TWSG1: variants seen among roughly 807,000 people sequenced by gnomAD.
The protein encoded by TWSG1 is twisted gastrulation BMP signaling modulator 1.
TWSG1 carries 15 observed loss-of-function variants against 23.0 expected under a neutral mutation model. The ratio of observed to expected loss-of-function variants is 0.65; its 90% CI spans 0.44 to 1.00. TWSG1 has a LOEUF of 1.00. TWSG1 is among the 50% of genes least tolerant of loss of function. The pLI is 0.00. For synonymous variants in TWSG1, 86 were observed against 92.8 expected, an observed-to-expected ratio of 0.93 and a Z score of 0.42; for missense variants, 242 against 278.7, an observed-to-expected ratio of 0.87 and a Z score of 0.94.
intron 3 of TWSG1, among the ~76,000 whole-genome samples, chr18:9,365,874 T>G (rs2040576336): frequency 8.1e-6 from 1 of 124,148 alleles, no homozygotes; most frequent in African/African-American, 2.7e-5. Flanking sequence ...GGCATAATGA[T>G]GCATGCCTGT....
chr18:9,364,502 C>G (rs1457182083), intron 3 of TWSG1, among the ~76,000 whole-genome samples: 1 of 152,142 alleles, frequency 6.6e-6, no homozygotes, highest in South Asian at 2.1e-4. Context: ...TCATTAGAAG[C>G]TGTAAAACAG....
intron 3 of TWSG1, among the ~76,000 whole-genome samples, chr18:9,366,070 T>C (rs2040577331): frequency 6.6e-6 from 1 of 152,220 alleles, no homozygotes; most frequent in South Asian, 2.1e-4. Context: ...CATGAACTTT[T>C]TCATCTTGAG....
chr18:9,355,007 G>C (rs1379730034), intron 2 of TWSG1, among the ~76,000 whole-genome samples: 1 of 151,928 alleles, frequency 6.6e-6, no homozygotes, highest in Non-Finnish European at 1.5e-5. Flanking sequence ...CCAGGCTGGA[G>C]TGCAGTGGCC....
rs192276710 is a variant in TWSG1, at chr18:9,335,405, A to G, written c.-38+485A>G. On this transcript the variant is annotated intron_variant, in intron 1 of 4. Transcript: ENST00000262120. ...ATGGTTTCTAACTCCTTAGGAAAAG[A>G]TAAGTCCTTTAATTCTATTACCTGA... Among the ~76,000 whole-genome samples the G allele has an allele frequency of 2.6e-4, 39 of 152,398 alleles. 1 individual carries two copies. Among genetic ancestry groups the G allele is most frequent in the Admixed American group, 1.4e-3 (21 of 15,310 alleles).
intron 3 of TWSG1, among the ~76,000 whole-genome samples, chr18:9,382,042 C>T (rs981887913): frequency 2.6e-5 from 4 of 151,020 alleles, no homozygotes; most frequent in African/African-American, 9.7e-5. Flanking sequence ...AATAACTATA[C>T]TTATTTACAT....
At chr18:9,361,862 C>T (rs746514940) in intron 3 of TWSG1, among the ~76,000 whole-genome samples, 9 of 152,194 alleles carry the variant, frequency 5.9e-5, no homozygotes, top group Non-Finnish European at 1.2e-4. Flanking sequence ...GTATAACTAC[C>T]CCACAGAATA....
intron 2 of TWSG1, among the ~76,000 whole-genome samples, chr18:9,357,213 A>G (rs779007463): frequency 1.6e-4 from 24 of 152,230 alleles, no homozygotes; most frequent in Non-Finnish European, 2.5e-4. Context: ...TAGGCCCAGC[A>G]AAGTTACCTA....
Position 9,399,510 on chromosome 18 carries a change from A to G in TWSG1, c.655A>G (p.Met219Val). Residue 219 changes from methionine to valine, a missense_variant, in exon 5 of 5, where the codon ATG (methionine) becomes GTG (valine). Physicochemically the swap from Met to Val is conservative, Grantham distance 21. Coordinates refer to ENST00000262120, the MANE Select transcript of TWSG1 (RefSeq NM_020648.6). ...CTATGGTAGTAAAACTGTCAAATGT[A>G]TGAACTGCATGTTTTAAAGAAGACA... ...IDYGSKTVKC[M>V]NCMF 2 of 1,604,452 alleles carry G rather than the reference A, an allele frequency of 1.2e-6. No individual in the cohort carries two copies. The highest frequency in any genetic ancestry group is 8.5e-7 in the Non-Finnish European group (1 of 1,177,408).
chr18:9,349,114 A>G (rs961042473), intron 2 of TWSG1, among the ~76,000 whole-genome samples: 3 of 152,144 alleles, frequency 2.0e-5, no homozygotes, highest in Non-Finnish European at 4.4e-5. Flanking sequence ...CCTTGCTCAT[A>G]TAATGAGGGG....
intron 4 of TWSG1, 95 bp downstream of exon 4, chr18:9,396,641 C>T (rs757095048): frequency 6.2e-6 from 9 of 1,460,216 alleles, no homozygotes; most frequent in Non-Finnish European, 8.2e-6. Flanking sequence ...TTTGGAGCAG[C>T]CTTTTGGTTT....
chr18:9,371,772 C>CTTTTTTTTTTT (rs11379317), intron 3 of TWSG1, among the ~76,000 whole-genome samples: 1 of 134,762 alleles, frequency 7.4e-6, no homozygotes, highest in South Asian at 2.3e-4. Context: ...CATTTTTATT[C>CTTTTTTTTTTT]TTTTTTTTTT....
At chr18:9,366,074 T>A (rs1161182412) in intron 3 of TWSG1, among the ~76,000 whole-genome samples, 1 of 152,234 alleles carries the variant, frequency 6.6e-6, no homozygotes, top group Non-Finnish European at 1.5e-5. Flanking sequence ...AACTTTTTCA[T>A]CTTGAGCCAC....
At chr18:9,361,236 C>T (rs968771987) in intron 3 of TWSG1, among the ~76,000 whole-genome samples, 1 of 151,946 alleles carries the variant, frequency 6.6e-6, no homozygotes, top group African/African-American at 2.4e-5. Context: ...TCCAAGAGCC[C>T]TTCTCTGATT....
intron 3 of TWSG1, among the ~76,000 whole-genome samples, chr18:9,389,274 C>A (rs1450744660): frequency 6.6e-6 from 1 of 152,124 alleles, no homozygotes; most frequent in Non-Finnish European, 1.5e-5. Context: ...CTGCACCCGG[C>A]CACTAATTTT....
At chr18:9,386,216 T>C (rs2040683398) in intron 3 of TWSG1, among the ~76,000 whole-genome samples, 2 of 151,434 alleles carry the variant, frequency 1.3e-5, no homozygotes, top group Non-Finnish European at 2.9e-5. Flanking sequence ...TCCCAACGTT[T>C]TGGGAGATCG....
At chr18:9,394,342 G>A (rs2040725267) in intron 3 of TWSG1, among the ~76,000 whole-genome samples, 1 of 152,206 alleles carries the variant, frequency 6.6e-6, no homozygotes, top group Non-Finnish European at 1.5e-5. Flanking sequence ...TCACTCATAT[G>A]TGGAAGTTAG....
At chr18:9,386,487 A>G (rs2040685338) in intron 3 of TWSG1, among the ~76,000 whole-genome samples, 1 of 150,116 alleles carries the variant, frequency 6.7e-6, no homozygotes, top group African/African-American at 2.4e-5. Context: ...AAAAATAATA[A>G]GAGAGTCTGA....
At chr18:9,357,054 A>T (rs1598824457) in intron 2 of TWSG1, among the ~76,000 whole-genome samples, 1 of 149,594 alleles carries the variant, frequency 6.7e-6, no homozygotes, top group African/African-American at 2.5e-5. Flanking sequence ...ATGTTCTTTT[A>T]CTCCAAAGAC....
intron 2 of TWSG1, among the ~76,000 whole-genome samples, chr18:9,348,558 T>A (rs2040487768): frequency 6.6e-6 from 1 of 152,216 alleles, no homozygotes. Flanking sequence ...TAAACATTGT[T>A]GTGGCTTTGC....
Sources: allele counts gnomAD v4.1 joint callset (sites outside exome capture counted in the v4.1 genomes callset), GRCh38; gene constraint gnomAD v4.1.1; transcripts MANE v1.5; gene names NCBI Gene and HGNC (gene_info 2026-07-23, HGNC 2026-07-21).